FANCC: variants seen among roughly 807,000 people sequenced by gnomAD.
The protein encoded by FANCC is Fanconi anemia group C protein.
A neutral mutation model predicts 71.3 loss-of-function variants in FANCC; 55 were observed. The observed-to-expected ratio is 0.77, with a 90% CI of 0.62 to 0.97. The LOEUF (loss-of-function observed/expected upper bound fraction) is 0.97, where lower values mean the gene tolerates loss of function less well. FANCC is among the 50% of genes least tolerant of loss of function. The probability of loss-of-function intolerance (pLI) is 0.00; values close to 1 mark genes in which losing one functional copy is unlikely to be tolerated. For synonymous variants in FANCC, 275 were observed against 244.9 expected (o/e 1.12, Z -1.15); for missense variants, 678 against 670.9 (o/e 1.01, Z -0.12).
At chr9:95,203,356 G>C (rs1038087681) in intron 4 of FANCC, among the ~76,000 whole-genome samples, 4 of 115,012 alleles carry the variant, frequency 3.5e-5, no homozygotes, top group African/African-American at 1.0e-4. Context: ...TCGTGGCTGG[G>C]TGACAGAACA....
intron 1 of FANCC, among the ~76,000 whole-genome samples, chr9:95,252,136 G>A (rs1281361412): frequency 1.3e-5 from 2 of 151,734 alleles, no homozygotes; most frequent in Admixed American, 6.6e-5. Flanking sequence ...AAAATTAGCT[G>A]GGCGTAGTGG....
In FANCC at chr9:95,215,004, A is replaced by G. The variant is rs528962421; in HGVS notation, c.345+25645T>C. ...AGATAATAAATTTTATATGCATTTT[A>G]CCACAAAAATATATGATAAAAAGTT... is the stretch of plus-strand genomic sequence containing the variant. On this transcript the variant is annotated intron_variant, in intron 4 of 14. Transcript: ENST00000289081. Among the ~76,000 whole-genome samples, 8 of 152,330 alleles carry G rather than the reference A, an allele frequency of 5.3e-5. No individual in the cohort carries two copies. The South Asian group carries it at 1.7e-3, about 32-fold the overall frequency.
chr9:95,131,930 G>A (rs932826553), intron 8 of FANCC, among the ~76,000 whole-genome samples: 20 of 152,208 alleles, frequency 1.3e-4, no homozygotes, highest in African/African-American at 4.8e-4. Flanking sequence ...CCATATTGAG[G>A]AGGATACTGA....
At chr9:95,153,798 G>A (rs1299937631) in intron 6 of FANCC, among the ~76,000 whole-genome samples, 2 of 152,158 alleles carry the variant, frequency 1.3e-5, no homozygotes, top group Non-Finnish European at 2.9e-5. Flanking sequence ...ACTTGAAATG[G>A]TCAAATAGTT....
intron 1 of FANCC, among the ~76,000 whole-genome samples, chr9:95,283,227 G>A (rs1833475572): frequency 6.6e-6 from 1 of 152,204 alleles, no homozygotes; most frequent in Non-Finnish European, 1.5e-5. Flanking sequence ...GACTACAGGT[G>A]CATGTCACCA....
intron 4 of FANCC, among the ~76,000 whole-genome samples, chr9:95,214,817 A>G (rs1828751906): frequency 6.6e-6 from 1 of 152,180 alleles, no homozygotes. Flanking sequence ...TCACAGAGAG[A>G]GAATGTAGAA....
intron 12 of FANCC, among the ~76,000 whole-genome samples, chr9:95,113,501 A>C (rs1297339359): frequency 6.6e-6 from 1 of 152,180 alleles, no homozygotes; most frequent in East Asian, 1.9e-4. Context: ...ACTACTGTTA[A>C]GAAATTAACA....
At chr9:95,156,714 T>C (rs1830476824) in intron 6 of FANCC, among the ~76,000 whole-genome samples, 1 of 152,192 alleles carries the variant, frequency 6.6e-6, no homozygotes, top group Non-Finnish European at 1.5e-5. Context: ...TTATAAATTC[T>C]GCCAAGTGTA....
At chr9:95,197,737 C>T (rs1395981842) in intron 4 of FANCC, among the ~76,000 whole-genome samples, 1 of 152,110 alleles carries the variant, frequency 6.6e-6, no homozygotes, top group Non-Finnish European at 1.5e-5. Context: ...TGGTGCTGGG[C>T]CCAAGAGGAC....
rs774412190 is a variant in FANCC at position 95,111,447 on chromosome 9, G to A, written c.1329+16C>T. 5 of 1,609,092 alleles carry A rather than the reference G, an allele frequency of 3.1e-6. No homozygotes were observed. Among genetic ancestry groups the A allele is most frequent in the East Asian group, 2.2e-5 (1 of 44,854 alleles). ...AGAGCCCACCCCAAACACATGCAGT[G>A]GGGCCTGCTACCCACCATAGTCTGT... On this transcript the variant is annotated intron_variant, in intron 13 of 14. Coordinates refer to ENST00000289081, the MANE Select transcript of FANCC (RefSeq NM_000136.3).
intron 4 of FANCC, among the ~76,000 whole-genome samples, chr9:95,222,161 T>A (rs960474521): frequency 0.024 from 1,407 of 58,480 alleles, 25 homozygotes; most frequent in African/African-American, 0.089. Flanking sequence ...AGGCCCCATC[T>A]CAAAAAAAAA....
chr9:95,201,724 T>C (rs1827818085), intron 4 of FANCC, among the ~76,000 whole-genome samples: 1 of 152,338 alleles, frequency 6.6e-6, no homozygotes, highest in African/African-American at 2.4e-5. Flanking sequence ...AATCTGTTGG[T>C]TGAGTACCTA....
At chr9:95,191,879 T>G (rs137949715) in intron 4 of FANCC, among the ~76,000 whole-genome samples, 1 of 152,166 alleles carries the variant, frequency 6.6e-6, no homozygotes, top group East Asian at 1.9e-4. Flanking sequence ...CCAGCCACCA[T>G]GATCTCTCAC....
intron 4 of FANCC, among the ~76,000 whole-genome samples, chr9:95,208,839 A>G (rs1426080678): frequency 4.6e-5 from 7 of 152,232 alleles, no homozygotes; most frequent in Admixed American, 6.5e-5. Context: ...GCAGTTTCTT[A>G]TAAAACTAAG....
chr9:95,279,105 A>G (rs888582399), intron 1 of FANCC, among the ~76,000 whole-genome samples: 4 of 152,050 alleles, frequency 2.6e-5, no homozygotes, highest in Non-Finnish European at 4.4e-5. Context: ...ACTTGAGGCC[A>G]AGACTTAAGA....
At chr9:95,252,807 G>C (rs2136122192) in intron 1 of FANCC, among the ~76,000 whole-genome samples, 1 of 149,172 alleles carries the variant, frequency 6.7e-6, no homozygotes, top group South Asian at 2.2e-4. Context: ...CCCAGCATTT[G>C]GCAGGCGGTC....
chr9:95,102,367 C>G (rs2071128262), intron 14 of FANCC, among the ~76,000 whole-genome samples: 1 of 152,212 alleles, frequency 6.6e-6, no homozygotes, highest in Non-Finnish European at 1.5e-5. Context: ...ACACCTGATT[C>G]TTGCGGGAGA....
intron 1 of FANCC, among the ~76,000 whole-genome samples, chr9:95,314,803 ACTG>A (rs1344982419): frequency 6.6e-6 from 1 of 152,228 alleles, no homozygotes; most frequent in Non-Finnish European, 1.5e-5. Flanking sequence ...ATTACTAAAT[ACTG>A]CTAAGAGAAA....
At chr9:95,305,852 ATT>A in intron 1 of FANCC, among the ~76,000 whole-genome samples, 1 of 152,344 alleles carries the variant, frequency 6.6e-6, no homozygotes, top group East Asian at 1.9e-4. Context: ...TGGCATTAAT[ATT>A]AATGACAATC....
Sources: gnomAD v4.1 joint callset for allele counts (sites outside exome capture counted in the v4.1 genomes callset) on GRCh38, gnomAD v4.1.1 for gene constraint, MANE v1.5 for transcripts, NCBI Gene and HGNC (gene_info 2026-07-23, HGNC 2026-07-21) for gene names.